MOB3B: variants seen among roughly 807,000 people sequenced by gnomAD.
MOB3B encodes the protein MOB kinase activator-like 2B.
Under a neutral mutation model 18.7 loss-of-function variants are expected in MOB3B, and 7 were observed. The ratio of observed to expected loss-of-function variants is 0.37; its 90% CI spans 0.21 to 0.70. The LOEUF is 0.70. Ranked by LOEUF, MOB3B falls within the 30% of genes least tolerant of loss-of-function variation. MOB3B has a pLI of 0.52. For synonymous variants in MOB3B, 111 were observed against 99.9 expected, an observed-to-expected ratio of 1.11 and a Z score of -0.66; for missense variants, 253 against 281.3, an observed-to-expected ratio of 0.90 and a Z score of 0.72.
At chr9:27,463,975 A>T (rs1244516230) in intron 1 of MOB3B, among the ~76,000 whole-genome samples, 2 of 152,186 alleles carry the variant, frequency 1.3e-5, no homozygotes, top group Non-Finnish European at 2.9e-5. Context: ...GAAAAAAGAA[A>T]AAAATAATAA....
chr9:27,524,311 T>G (rs766090106), intron 1 of MOB3B: 3 of 1,599,632 alleles, frequency 1.9e-6, no homozygotes, highest in Non-Finnish European at 2.6e-6. Context: ...ATACACATCT[T>G]CTGGATTTTT....
At chr9:27,372,030 A>G (rs1001241187) in intron 2 of MOB3B, among the ~76,000 whole-genome samples, 1 of 152,218 alleles carries the variant, frequency 6.6e-6, no homozygotes, top group South Asian at 2.1e-4. Flanking sequence ...GGAAAGAAAA[A>G]CACTCTCGTA....
intron 3 of MOB3B, among the ~76,000 whole-genome samples, chr9:27,343,480 A>C (rs1204959121): frequency 3.2e-4 from 16 of 50,302 alleles, no homozygotes; most frequent in African/African-American, 1.2e-3. Context: ...ATAAATACTA[A>C]AAAAAAAAAA....
At chr9:27,450,360 T>C (rs947432740) in intron 2 of MOB3B, among the ~76,000 whole-genome samples, 1 of 152,118 alleles carries the variant, frequency 6.6e-6, no homozygotes, top group African/African-American at 2.4e-5. Context: ...AATAAATTAA[T>C]AATAAATGGC....
intron 1 of MOB3B, among the ~76,000 whole-genome samples, chr9:27,528,782 G>T (rs1030136291): frequency 2.6e-5 from 4 of 152,182 alleles, no homozygotes; most frequent in Admixed American, 6.5e-5. Flanking sequence ...GAGCGCGAGG[G>T]GGGGGATCCC....
intron 2 of MOB3B, among the ~76,000 whole-genome samples, chr9:27,429,721 C>T (rs972040121): frequency 6.6e-6 from 1 of 152,204 alleles, no homozygotes; most frequent in East Asian, 1.9e-4. Context: ...GGCCAGCCCA[C>T]CAGTGGTGCT....
intron 2 of MOB3B, among the ~76,000 whole-genome samples, chr9:27,388,502 G>T (rs1264985079): frequency 5.3e-5 from 8 of 151,954 alleles, no homozygotes; most frequent in African/African-American, 1.9e-4. Flanking sequence ...GGAACAGGTG[G>T]TGTTTGGTTA....
chr9:27,448,109 G>T (rs1337965038), intron 2 of MOB3B, among the ~76,000 whole-genome samples: 1 of 152,150 alleles, frequency 6.6e-6, no homozygotes, highest in African/African-American at 2.4e-5. Context: ...TGTTGACTCT[G>T]GGGTAAGAAC....
chr9:27,357,121 A>AATATATATATATGTATATATATATGTAT (rs1821199833), intron 3 of MOB3B, among the ~76,000 whole-genome samples: 1 of 62,896 alleles, frequency 1.6e-5, no homozygotes, highest in African/African-American at 4.9e-5. Context: ...GAGTAATGCA[A>AATATATATATATGTATATATATATGTAT]ATATATATAT....
chr9:27,507,620 T>C (rs1820079184), intron 1 of MOB3B, among the ~76,000 whole-genome samples: 2 of 152,214 alleles, frequency 1.3e-5, no homozygotes, highest in Admixed American at 6.5e-5. Flanking sequence ...TGCAATACTT[T>C]GTCCCTTGAT....
intron 2 of MOB3B, among the ~76,000 whole-genome samples, chr9:27,423,676 A>G (rs1284573769): frequency 6.6e-6 from 1 of 152,216 alleles, no homozygotes; most frequent in Non-Finnish European, 1.5e-5. Flanking sequence ...ATCTGTCTTC[A>G]CTACAAGAGT....
intron 1 of MOB3B, among the ~76,000 whole-genome samples, chr9:27,462,441 G>T (rs1189387811): frequency 2.6e-5 from 4 of 152,018 alleles, no homozygotes; most frequent in Non-Finnish European, 5.9e-5. Flanking sequence ...AATTAAGGCA[G>T]GTAAAAAATG....
intron 1 of MOB3B, among the ~76,000 whole-genome samples, chr9:27,475,032 G>A (rs4385549): frequency 1.3e-5 from 2 of 152,100 alleles, no homozygotes; most frequent in African/African-American, 4.8e-5. Flanking sequence ...GCACTCTTCT[G>A]AGATTAGCTT....
intron 1 of MOB3B, among the ~76,000 whole-genome samples, chr9:27,507,249 A>G (rs1820074716): frequency 6.6e-6 from 1 of 152,326 alleles, no homozygotes; most frequent in East Asian, 1.9e-4. Flanking sequence ...CTGGGATCCA[A>G]GTGCACAAGT....
At chr9:27,505,325 T>A (rs961405167) in intron 1 of MOB3B, among the ~76,000 whole-genome samples, 1 of 152,140 alleles carries the variant, frequency 6.6e-6, no homozygotes, top group Non-Finnish European at 1.5e-5. Flanking sequence ...GACGGCCTGG[T>A]GTTCCTGCCC....
chr9:27,485,793 A>T (rs538150744), intron 1 of MOB3B, among the ~76,000 whole-genome samples: 11 of 152,340 alleles, frequency 7.2e-5, no homozygotes, highest in Middle Eastern at 6.8e-3. Context: ...CTTTTGTAAT[A>T]GGAAAAAAAT....
chr9:27,372,572 C>T (rs1405752569), intron 2 of MOB3B, among the ~76,000 whole-genome samples: 5 of 152,152 alleles, frequency 3.3e-5, no homozygotes, highest in East Asian at 1.9e-4. Context: ...AGTGATCAAT[C>T]GTGTTCATAG....
chr9:27,511,451 T>C (rs1314136524), intron 1 of MOB3B, among the ~76,000 whole-genome samples: 2 of 152,202 alleles, frequency 1.3e-5, no homozygotes, highest in Non-Finnish European at 2.9e-5. Flanking sequence ...CTGTGCTCAA[T>C]GCATGCTTCA....
chr9:27,449,358 A>G (rs1028523556), intron 2 of MOB3B, among the ~76,000 whole-genome samples: 1 of 152,212 alleles, frequency 6.6e-6, no homozygotes, highest in African/African-American at 2.4e-5. Context: ...TGAGAGAGAG[A>G]TAACTAACAT....
Sources: gnomAD v4.1 joint callset for allele counts (sites outside exome capture counted in the v4.1 genomes callset) on GRCh38, gnomAD v4.1.1 for gene constraint, MANE v1.5 for transcripts, NCBI Gene and HGNC (gene_info 2026-07-23, HGNC 2026-07-21) for gene names.